Variants in MACROD2 observed in about 807,000 individuals in gnomAD.
The protein encoded by MACROD2 is mono-ADP ribosylhydrolase 2.
In MACROD2, 36 loss-of-function variants were observed where a neutral mutation model predicts 70.4. That is an observed-to-expected ratio of 0.51 (90% CI 0.39 to 0.68). The LOEUF is 0.68. Among genes scored for constraint, MACROD2 ranks in the 30% least tolerant of loss-of-function variants. The pLI, the probability that MACROD2 is intolerant of heterozygous loss-of-function variation, is 0.00. For missense variants in MACROD2, 496 were observed against 538.4 expected (o/e 0.92, Z 0.78); for synonymous variants, 172 against 178.8 (o/e 0.96, Z 0.30).
intron 8 of MACROD2, among the ~76,000 whole-genome samples, chr20:15,666,025 A>C (rs1390278893): frequency 1.3e-5 from 2 of 152,190 alleles, no homozygotes; most frequent in Non-Finnish European, 2.9e-5. Flanking sequence ...AAAAGAGTAT[A>C]AAGATAAATG....
intron 3 of MACROD2, among the ~76,000 whole-genome samples, chr20:14,137,592 A>G (rs2054816292): frequency 6.6e-6 from 1 of 152,192 alleles, no homozygotes; most frequent in Admixed American, 6.5e-5. Flanking sequence ...AAAATAAGAG[A>G]AATCATATTC....
chr20:15,471,302 A>G (rs1255700787), intron 7 of MACROD2, among the ~76,000 whole-genome samples: 1 of 152,136 alleles, frequency 6.6e-6, no homozygotes, highest in East Asian at 1.9e-4. Flanking sequence ...TCACTTGCCT[A>G]CTACATCCTT....
intron 7 of MACROD2, among the ~76,000 whole-genome samples, chr20:15,435,724 A>G (rs1361590250): frequency 6.6e-6 from 1 of 152,182 alleles, no homozygotes; most frequent in Admixed American, 6.6e-5. Flanking sequence ...AGAGTGGATC[A>G]TGGTCCATTT....
intron 4 of MACROD2, among the ~76,000 whole-genome samples, chr20:14,581,131 G>A (rs1980987634): frequency 6.6e-6 from 1 of 152,204 alleles, no homozygotes; most frequent in Non-Finnish European, 1.5e-5. Context: ...TAAAGCATAT[G>A]ATCTAAATGC....
At chr20:14,483,695 C>T (rs1419092673) in intron 3 of MACROD2, among the ~76,000 whole-genome samples, 1 of 152,218 alleles carries the variant, frequency 6.6e-6, no homozygotes, top group Non-Finnish European at 1.5e-5. Flanking sequence ...TGGGAGCCAC[C>T]ATGCCCAGCC....
intron 8 of MACROD2, among the ~76,000 whole-genome samples, chr20:15,631,401 A>C (rs553473552): frequency 4.5e-4 from 68 of 151,118 alleles, no homozygotes; most frequent in Non-Finnish European, 4.3e-4. Flanking sequence ...CCATTATCAA[A>C]TGATGATTTT....
chr20:15,668,951 G>A (rs767164201), intron 8 of MACROD2, among the ~76,000 whole-genome samples: 2 of 152,192 alleles, frequency 1.3e-5, no homozygotes, highest in Non-Finnish European at 2.9e-5. Flanking sequence ...GTGTATTTGA[G>A]TGGAGCATGA....
At chr20:14,953,863 G>A (rs2074496050) in intron 5 of MACROD2, among the ~76,000 whole-genome samples, 2 of 152,126 alleles carry the variant, frequency 1.3e-5, no homozygotes, top group Non-Finnish European at 2.9e-5. Flanking sequence ...AATTCATAAG[G>A]AGAATTTACT....
At chr20:14,290,900 A>G (rs1470046489) in intron 3 of MACROD2, among the ~76,000 whole-genome samples, 2 of 152,360 alleles carry the variant, frequency 1.3e-5, no homozygotes, top group Non-Finnish European at 2.9e-5. Flanking sequence ...GTTATTAAAT[A>G]AGCACAGCTG....
At chr20:15,247,702 ATTTT>A (rs529924188) in intron 6 of MACROD2, among the ~76,000 whole-genome samples, 2 of 146,102 alleles carry the variant, frequency 1.4e-5, no homozygotes, top group Non-Finnish European at 3.0e-5. Flanking sequence ...GCTTTGACAG[ATTTT>A]TTTTTTTTTG....
At chr20:15,601,679 A>G (rs2048822427) in intron 8 of MACROD2, among the ~76,000 whole-genome samples, 1 of 152,102 alleles carries the variant, frequency 6.6e-6, no homozygotes, top group African/African-American at 2.4e-5. Context: ...CTCAAGCATG[A>G]CTCATTTATA....
At chr20:15,612,283 T>C (rs967748408) in intron 8 of MACROD2, among the ~76,000 whole-genome samples, 2 of 152,216 alleles carry the variant, frequency 1.3e-5, no homozygotes, top group African/African-American at 4.8e-5. Context: ...TCCCCAAGAC[T>C]TTACTTCTGG....
intron 2 of MACROD2, among the ~76,000 whole-genome samples, chr20:14,047,044 AAAC>A (rs1217566096): frequency 4.6e-5 from 7 of 152,204 alleles, no homozygotes; most frequent in African/African-American, 1.7e-4. Flanking sequence ...AGAGTATAGA[AAAC>A]AAATTACAGA....
intron 5 of MACROD2, among the ~76,000 whole-genome samples, chr20:15,219,094 C>G (rs1239663338): frequency 6.6e-6 from 1 of 152,080 alleles, no homozygotes; most frequent in African/African-American, 2.4e-5. Context: ...TGGTGACATA[C>G]CAGTTCAAAA....
At chr20:14,378,644 A>G (rs1375997512) in intron 3 of MACROD2, among the ~76,000 whole-genome samples, 1 of 152,202 alleles carries the variant, frequency 6.6e-6, no homozygotes, top group African/African-American at 2.4e-5. Context: ...TGTATTTGTT[A>G]AGCACATATC....
intron 7 of MACROD2, among the ~76,000 whole-genome samples, chr20:15,473,872 T>C (rs1449136170): frequency 6.6e-6 from 1 of 152,198 alleles, no homozygotes; most frequent in African/African-American, 2.4e-5. Flanking sequence ...AGTGTCCGTT[T>C]TCTATCAGCT....
intron 2 of MACROD2, among the ~76,000 whole-genome samples, chr20:14,070,329 G>A (rs2053821164): frequency 6.6e-6 from 1 of 151,414 alleles, no homozygotes; most frequent in Non-Finnish European, 1.5e-5. Context: ...GGGTTTGTGT[G>A]TGTGTGTGTG....
intron 5 of MACROD2, among the ~76,000 whole-genome samples, chr20:14,876,350 ATAGATTGTGGATAT>A (rs1233922567): frequency 6.6e-6 from 1 of 152,000 alleles, no homozygotes; most frequent in Non-Finnish European, 1.5e-5. Context: ...TAAGTTACTT[ATAGATTGTGGATAT>A]TAAGTTTTTG....
chr20:14,148,824 A>G (rs1259657834), intron 3 of MACROD2, among the ~76,000 whole-genome samples: 1 of 152,086 alleles, frequency 6.6e-6, no homozygotes, highest in African/African-American at 2.4e-5. Flanking sequence ...TGCCTTCTGG[A>G]TTCTTTGTTC....
Sources: allele counts gnomAD v4.1 joint callset (sites outside exome capture counted in the v4.1 genomes callset), GRCh38; gene constraint gnomAD v4.1.1; transcripts MANE v1.5; gene names NCBI Gene and HGNC (gene_info 2026-07-23, HGNC 2026-07-21).